Variants in COQ8A observed in about 807,000 individuals in gnomAD.
The protein encoded by COQ8A is coenzyme Q8A.
A neutral mutation model predicts 65.0 loss-of-function variants in COQ8A; 51 were observed. The observed-to-expected ratio is 0.78, with a 90% confidence interval of 0.63 to 0.99. The LOEUF is 0.99. Among genes scored for constraint, COQ8A ranks in the 50% least tolerant of loss-of-function variants. COQ8A has a pLI of 0.00. For missense variants in COQ8A, 940 were observed against 875.0 expected (o/e 1.07, Z -0.94); for synonymous variants, 371 against 353.2 (o/e 1.05, Z -0.57).
At chr1:226,947,800 A>AAT (rs5781451) in intron 1 of COQ8A, among the ~76,000 whole-genome samples, 181 of 60,552 alleles carry the variant, frequency 3.0e-3, no homozygotes, top group Non-Finnish European at 2.0e-3. Context: ...GTCTCAAAAA[A>AAT]ATATATATAT....
Position 226,982,685 on chromosome 1 carries a change from CT to C in COQ8A, c.864del (p.Phe288LeufsTer22). 1 of 1,613,468 alleles carries C rather than the reference CT, an allele frequency of 6.2e-7. No individual in the cohort carries two copies. Among genetic ancestry groups the C allele is most frequent in the Non-Finnish European group, 8.5e-7 (1 of 1,180,002 alleles). ...CATTCTCCTGCCTTCCAGATGATGC[CT>C]TTATCAACCCCCACCTGGCTAAGAT... The part of the protein sequence containing the change: ...GQMLSIQDDA[F>X]INPHLAKIFE... On this transcript the variant is annotated frameshift_variant, in exon 7 of 15. Coordinates refer to ENST00000366777, the MANE Select transcript of COQ8A (RefSeq NM_020247.5). LOFTEE classifies it high-confidence loss of function.
Position 226,965,129 on chromosome 1 carries a change from G to A in COQ8A, c.307G>A (p.Ala103Thr). 6.2e-7 allele frequency: 1 copy of A among 1,613,974 alleles called. No individual in the cohort carries two copies. Among genetic ancestry groups the A allele is most frequent in the Non-Finnish European group, 8.5e-7 (1 of 1,180,042 alleles). The change falls in exon 3 of 15, where the codon GCG (alanine) becomes ACG (threonine). Residue 103 changes from alanine to threonine, a missense_variant. Coordinates refer to ENST00000366777, the MANE Select transcript of COQ8A (RefSeq NM_020247.5). ...FSSASAPDQSAPPSLGHAHSE... is the reference protein window; with the variant it reads ...FSSASAPDQSTPPSLGHAHSE... ...TTCAGCCTCCGCTCCCGACCAGTCA[G>A]CGCCCCCATCCCTGGGTCATGCCCA...
intron 1 of COQ8A, among the ~76,000 whole-genome samples, chr1:226,960,388 G>GA (rs1658129918): frequency 9.8e-4 from 1 of 1,018 alleles, no homozygotes; most frequent in Admixed American, 0.013. Context: ...ACTTGGTGGT[G>GA]TCAGTGGTGG....
chr1:226,941,595 C>T (rs868842425), intron 1 of COQ8A, among the ~76,000 whole-genome samples: 35 of 151,358 alleles, frequency 2.3e-4, no homozygotes, highest in Middle Eastern at 6.8e-3. Context: ...GGTGAAACCC[C>T]GTCTCTACCG....
chr1:226,983,150 AG>A, intron 8 of COQ8A, 116 bp downstream of exon 8: 1 of 1,428,298 alleles, frequency 7.0e-7, no homozygotes, highest in South Asian at 1.4e-5. Flanking sequence ...CTCTCCTGGC[AG>A]GGCCATATGT....
chr1:226,986,028 G>A (rs1660087897), intron 14 of COQ8A, among the ~76,000 whole-genome samples: 1 of 152,194 alleles, frequency 6.6e-6, no homozygotes. Flanking sequence ...CTCTGCTGGC[G>A]GCGGCTTCCT....
Position 226,986,799 on chromosome 1 carries a change from CAG to C in COQ8A, c.*63_*64del. ...TCTCTCCCTCAGACAGGCCAAAAAC[CAG>C]TAGCGAGGTCGTGGTGATGCTCTTT... On this transcript the variant is annotated 3_prime_UTR_variant, in exon 15 of 15. Coordinates refer to ENST00000366777, the MANE Select transcript of COQ8A (RefSeq NM_020247.5). 1 of 1,573,756 alleles carries C rather than the reference CAG, an allele frequency of 6.4e-7. No individual in the cohort carries two copies. Among genetic ancestry groups the C allele is most frequent in the Non-Finnish European group, 8.6e-7 (1 of 1,163,532 alleles).
intron 4 of COQ8A, among the ~76,000 whole-genome samples, chr1:226,971,812 T>C (rs1184927386): frequency 6.6e-6 from 1 of 152,222 alleles, no homozygotes; most frequent in Non-Finnish European, 1.5e-5. Flanking sequence ...GCAGTTTGAC[T>C]GTGACATGCT....
chr1:226,945,516 C>T (rs1285023612), intron 1 of COQ8A, among the ~76,000 whole-genome samples: 1 of 152,198 alleles, frequency 6.6e-6, no homozygotes, highest in Admixed American at 6.5e-5. Flanking sequence ...GTCGATTGCC[C>T]GGTAAGCTGA....
intron 1 of COQ8A, among the ~76,000 whole-genome samples, chr1:226,954,688 AG>A (rs1197000929): frequency 6.6e-6 from 1 of 152,198 alleles, no homozygotes; most frequent in Non-Finnish European, 1.5e-5. Context: ...CAAACTTTGG[AG>A]GGACCAGCTG....
At chr1:226,983,951 A>G in intron 10 of COQ8A, 97 bp downstream of exon 10, 2 of 1,529,806 alleles carry the variant, frequency 1.3e-6, no homozygotes, top group Non-Finnish European at 1.8e-6. Context: ...TCTGAGGGGC[A>G]GAGGGCTGGG....
chr1:226,984,384 A>T (rs1350546194), intron 11 of COQ8A, 149 bp downstream of exon 11: 3 of 1,351,374 alleles, frequency 2.2e-6, no homozygotes, highest in Non-Finnish European at 2.1e-6. Context: ...ACTTAGGGGG[A>T]CACAGGGGAG....
chr1:226,944,035 G>A (rs1656851964), intron 1 of COQ8A, among the ~76,000 whole-genome samples: 1 of 151,992 alleles, frequency 6.6e-6, no homozygotes. Context: ...GGGGTGTCGA[G>A]GACCAGCCTG....
In COQ8A at chr1:226,965,712, G is replaced by T; in HGVS notation, c.630G>T (p.Arg210Ser). The T allele has an allele frequency of 6.2e-7, 1 of 1,614,018 alleles. No individual in the cohort carries two copies. The highest frequency in any genetic ancestry group is 8.5e-7 in the Non-Finnish European group (1 of 1,180,048). The part of the protein sequence containing the change: ...HARERKVPVT[R>S]IGRLANFGGL... ...GGGAGCGGAAGGTGCCTGTGACGAG[G>T]ATTGGCCGGCTGGCCAACTTCGGAG... The change falls in exon 4 of 15, where the codon AGG becomes AGT. Residue 210 changes from arginine (R) to serine (S), a missense_variant. Arg to Ser is a moderately radical substitution (Grantham distance 110, BLOSUM62 -1). Transcript: ENST00000366777.
At position 226,986,951 on chromosome 1, in the gene COQ8A, C is replaced by T. The variant is rs1325716154; in HGVS notation, c.*214C>T. On this transcript the variant is annotated 3_prime_UTR_variant, in exon 15 of 15. Transcript: ENST00000366777. ...AGAATGAAGATGAAGCCCCACTGCT[C>T]GGTCAGTCTGCCTCCGTGTGTCCTC... The T allele has an allele frequency of 2.4e-5, 15 of 620,354 alleles. No individual in the cohort carries two copies. The highest frequency in any genetic ancestry group is 2.9e-5 in the Admixed American group (1 of 34,794). 38.4% of individuals were successfully genotyped at this position (620,354 alleles called of 1,614,324 possible).
chr1:226,983,115 C>T (rs934991141), intron 8 of COQ8A, 81 bp downstream of exon 8: 1 of 1,509,894 alleles, frequency 6.6e-7, no homozygotes, highest in East Asian at 2.5e-5. Context: ...GAGGCCTCTA[C>T]ACCCCACGTC....
chr1:226,955,269 G>A (rs1373553517), intron 1 of COQ8A, among the ~76,000 whole-genome samples: 1 of 151,990 alleles, frequency 6.6e-6, no homozygotes. Flanking sequence ...TGGGGTGCTA[G>A]GCTTGCAGCA....
At chr1:226,977,332 G>A in intron 4 of COQ8A, 117 bp from the exon 5 acceptor site, 1 of 912,544 alleles carries the variant, frequency 1.1e-6, no homozygotes. Flanking sequence ...TGGTGTGGCA[G>A]CGAGGGCCCC....
intron 4 of COQ8A, among the ~76,000 whole-genome samples, chr1:226,976,582 A>C (rs1659251121): frequency 6.6e-6 from 1 of 152,016 alleles, no homozygotes; most frequent in Non-Finnish European, 1.5e-5. Flanking sequence ...ACCCATGCCT[A>C]CCCGGAAAGC....
Sources: gnomAD v4.1 joint callset for allele counts (sites outside exome capture counted in the v4.1 genomes callset) on GRCh38, gnomAD v4.1.1 for gene constraint, MANE v1.5 for transcripts, NCBI Gene and HGNC (gene_info 2026-07-23, HGNC 2026-07-21) for gene names.